The following FHL2 variants were observed in gnomAD, a reference collection of about 807,000 sequenced individuals.
FHL2 encodes the protein four and a half LIM domains 2.
Under a neutral mutation model 32.7 loss-of-function variants are expected in FHL2, and 20 were observed. The ratio of observed to expected loss-of-function variants is 0.61; its 90% CI spans 0.43 to 0.89. The LOEUF (loss-of-function observed/expected upper bound fraction) is 0.89. Among genes scored for constraint, FHL2 ranks in the 40% least tolerant of loss-of-function variants. The pLI, the probability that FHL2 is intolerant of heterozygous loss-of-function variation, is 0.00. For missense variants in FHL2, 311 were observed against 358.6 expected (o/e 0.87, Z 1.07); for synonymous variants, 123 against 128.1 (o/e 0.96, Z 0.27).
intron 1 of FHL2, among the ~76,000 whole-genome samples, chr2:105,435,293 G>A (rs796303829): frequency 1.4e-4 from 22 of 152,216 alleles, no homozygotes; most frequent in African/African-American, 4.3e-4. Context: ...TTACATATAT[G>A]TAATGTTTTC....
At chr2:105,406,547 C>T (rs1264282828) in intron 1 of FHL2, among the ~76,000 whole-genome samples, 1 of 151,420 alleles carries the variant, frequency 6.6e-6, no homozygotes, top group Non-Finnish European at 1.5e-5. Flanking sequence ...CCAGCCATTG[C>T]TAACACTTTC....
intron 4 of FHL2, among the ~76,000 whole-genome samples, chr2:105,373,351 C>G (rs572389305): frequency 6.6e-6 from 1 of 152,316 alleles, no homozygotes; most frequent in Admixed American, 6.5e-5. Flanking sequence ...GCCCCACGTG[C>G]ACAGCAAAAA....
At chr2:105,400,739 G>T (rs1573381810), upstream of FHL2, among the ~76,000 whole-genome samples, 2 of 105,380 alleles carry the variant, frequency 1.9e-5, no homozygotes, top group African/African-American at 3.7e-5. Context: ...ATTTAGCTTT[G>T]CTTTTTTACT....
intron 1 of FHL2, among the ~76,000 whole-genome samples, chr2:105,423,383 A>G (rs888761694): frequency 6.6e-6 from 1 of 152,248 alleles, no homozygotes; most frequent in Non-Finnish European, 1.5e-5. Context: ...AGATTGAGGT[A>G]CAAACAGAGG....
intron 1 of FHL2, among the ~76,000 whole-genome samples, chr2:105,412,717 C>T (rs867402257): frequency 6.6e-6 from 1 of 152,160 alleles, no homozygotes; most frequent in Non-Finnish European, 1.5e-5. Flanking sequence ...GCTGAGAAGG[C>T]AGCGTCAAGG....
intron 1 of FHL2, among the ~76,000 whole-genome samples, chr2:105,407,208 C>T (rs1401382691): frequency 2.6e-5 from 4 of 151,982 alleles, no homozygotes; most frequent in African/African-American, 4.8e-5. Context: ...CTGGCTAACA[C>T]GGTGAAACCC....
intron 1 of FHL2, among the ~76,000 whole-genome samples, chr2:105,419,450 A>G (rs1457633708): frequency 6.6e-6 from 1 of 152,224 alleles, no homozygotes; most frequent in Non-Finnish European, 1.5e-5. Context: ...CAGCAAATGC[A>G]GAAAAAGGAG....
In FHL2 at chr2:105,373,367, C is replaced by T. The variant is rs542917146; in HGVS notation, c.331+192G>A. Reference sequence around the variant, plus strand: ...CCCCACGTGCACAGCAAAAAGATCCCGTTACTGCCCATGATAGAACCTGTA... The same window carrying T: ...CCCCACGTGCACAGCAAAAAGATCCTGTTACTGCCCATGATAGAACCTGTA... On this transcript the variant is annotated intron_variant, in intron 4 of 6. Transcript: ENST00000530340. 3.3e-5 allele frequency among the ~76,000 whole-genome samples: 5 copies of T among 152,288 alleles called. No individual in the cohort carries two copies. In the East Asian group the frequency reaches 7.7e-4, roughly 23 times the overall value.
At chr2:105,368,909 C>CAGCA (rs1385457450) in intron 4 of FHL2, among the ~76,000 whole-genome samples, 1 of 152,250 alleles carries the variant, frequency 6.6e-6, no homozygotes, top group Non-Finnish European at 1.5e-5. Flanking sequence ...CAAATCCAGA[C>CAGCA]TGCTGCCTGC....
chr2:105,434,332 G>A (rs973162060), intron 1 of FHL2, among the ~76,000 whole-genome samples: 1 of 152,266 alleles, frequency 6.6e-6, no homozygotes, highest in Non-Finnish European at 1.5e-5. Flanking sequence ...AGTACTTTGG[G>A]AGGCTGAGGT....
intron 3 of FHL2, 32 bp from the exon 4 acceptor site, chr2:105,373,765 G>T (rs780487851): frequency 6.2e-7 from 1 of 1,611,596 alleles, no homozygotes; most frequent in Non-Finnish European, 8.5e-7. Context: ...GACAGTCAGA[G>T]GCAGGACAGG....
At chr2:105,412,787 G>A (rs1033941775) in intron 1 of FHL2, among the ~76,000 whole-genome samples, 7 of 152,196 alleles carry the variant, frequency 4.6e-5, no homozygotes, top group African/African-American at 1.7e-4. Flanking sequence ...ACACAGCCGA[G>A]GAGCAGTGGC....
Position 105,434,529 on chromosome 2 carries a change from C to T in FHL2, c.-25+3870G>A, listed in dbSNP as rs1027336295. On this transcript the variant is annotated intron_variant, in intron 1 of 5. Coordinates refer to the FHL2 transcript ENST00000393352. Reference sequence around the variant, plus strand: ...GTTGCAGTGAGCTGAGATCTTGCCACTGCACTCCGGCTTGGGCAACAGAGT... The same window carrying T: ...GTTGCAGTGAGCTGAGATCTTGCCATTGCACTCCGGCTTGGGCAACAGAGT... Among the ~76,000 whole-genome samples the T allele has an allele frequency of 9.2e-5, 14 of 151,908 alleles. No individual in the cohort carries two copies. In the South Asian group the frequency reaches 2.3e-3, roughly 25 times the overall value.
chr2:105,368,636 C>T (rs1680804383), intron 4 of FHL2, among the ~76,000 whole-genome samples: 1 of 152,182 alleles, frequency 6.6e-6, no homozygotes. Context: ...AACTGAAACA[C>T]TTATGGGTCA....
At chr2:105,417,455 C>T (rs887107239) in intron 1 of FHL2, among the ~76,000 whole-genome samples, 10 of 151,808 alleles carry the variant, frequency 6.6e-5, no homozygotes, top group African/African-American at 2.4e-4. Flanking sequence ...GAGACTGAGG[C>T]GGGCAGATTG....
upstream of FHL2, among the ~76,000 whole-genome samples, chr2:105,401,009 AC>A: frequency 6.6e-6 from 1 of 151,734 alleles, no homozygotes; most frequent in Non-Finnish European, 1.5e-5. Flanking sequence ...TGGAGACAGA[AC>A]CAAGAGATTA....
At chr2:105,396,959 T>C (rs1417453035) in intron 1 of FHL2, 1 of 416,398 alleles carries the variant, frequency 2.4e-6, no homozygotes, top group South Asian at 4.0e-5. Flanking sequence ...TGAGGCTGAG[T>C]AACTGGCCCT....
At chr2:105,399,837 G>T (rs942631220), upstream of FHL2, among the ~76,000 whole-genome samples, 10 of 152,146 alleles carry the variant, frequency 6.6e-5, no homozygotes, top group African/African-American at 2.2e-4. Context: ...GCAGGTAACC[G>T]GTCCACTTGC....
At position 105,413,554 on chromosome 2, in the gene FHL2, ACCT is replaced by A. The variant is rs1467773037; in HGVS notation, c.-25+24842_-25+24844del. On this transcript the variant is annotated intron_variant, in intron 1 of 5. Transcript: ENST00000393352. ...AGTGGCATGTTCACAGCTCACTATA[ACCT>A]CAAGTTCCTGGGCTCAGGTGATCCT... 1.8e-4 allele frequency among the ~76,000 whole-genome samples: 27 copies of A among 152,212 alleles called. No individual in the cohort carries two copies. The South Asian group carries it at 4.2e-3, about 23-fold the overall frequency.
Sources: allele counts gnomAD v4.1 joint callset (sites outside exome capture counted in the v4.1 genomes callset), GRCh38; gene constraint gnomAD v4.1.1; transcripts MANE v1.5; gene names NCBI Gene and HGNC (gene_info 2026-07-23, HGNC 2026-07-21).